Variants in PPFIA2 observed in about 807,000 individuals in gnomAD.
The protein encoded by PPFIA2 is PPFI scaffold protein A2.
In PPFIA2, 46 loss-of-function variants were observed where a neutral mutation model predicts 175.5. The ratio of observed to expected loss-of-function variants is 0.26; its 90% CI spans 0.21 to 0.34. PPFIA2 has a LOEUF of 0.34. Ranked by LOEUF, PPFIA2 falls within the 10% of genes least tolerant of loss-of-function variation. The pLI is 1.00. For missense variants in PPFIA2, 1,179 were observed against 1,506.1 expected (o/e 0.78, Z 3.60); for synonymous variants, 568 against 511.4 (o/e 1.11, Z -1.49).
intron 4 of PPFIA2, among the ~76,000 whole-genome samples, chr12:81,546,796 G>A (rs139063629): frequency 6.6e-6 from 1 of 151,678 alleles, no homozygotes. Flanking sequence ...GATAGATCAT[G>A]TTTTTTATGT....
intron 4 of PPFIA2, among the ~76,000 whole-genome samples, chr12:81,464,686 C>T (rs2055263832): frequency 6.6e-6 from 1 of 152,098 alleles, no homozygotes; most frequent in Non-Finnish European, 1.5e-5. Flanking sequence ...TATTTACATT[C>T]CTAGACAGGA....
chr12:81,741,999 T>C (rs928482310), intron 3 of PPFIA2, among the ~76,000 whole-genome samples: 2 of 152,156 alleles, frequency 1.3e-5, no homozygotes, highest in African/African-American at 4.8e-5. Flanking sequence ...TATGGTTATT[T>C]AGGGGACAAC....
At chr12:81,415,211 ATATATATATATATATATATATATATAT>A (rs1478145331) in intron 7 of PPFIA2, among the ~76,000 whole-genome samples, 1 of 8,844 alleles carries the variant, frequency 1.1e-4, no homozygotes, top group East Asian at 6.1e-3. Flanking sequence ...AAAAAAAAAA[ATATATATATATATATATATATATATAT>A]ATATATATAT....
intron 4 of PPFIA2, among the ~76,000 whole-genome samples, chr12:81,508,351 G>A (rs1318583517): frequency 6.6e-5 from 10 of 151,442 alleles, no homozygotes; most frequent in Non-Finnish European, 1.3e-4. Flanking sequence ...GAGAAACCCC[G>A]TTTCTACCAA....
At position 81,618,466 on chromosome 12, in the gene PPFIA2, A is replaced by C. The variant is rs1039474576; in HGVS notation, c.303+58325T>G. 2.0e-5 allele frequency among the ~76,000 whole-genome samples: 3 copies of C among 150,682 alleles called. No individual in the cohort carries two copies. The East Asian group carries it at 5.8e-4, about 29-fold the overall frequency. The stretch of plus-strand genomic sequence containing the variant: ...AAAACTGAAATTTACTCATTAATGT[A>C]TTATTTCTGAATAATTAAAAGAACT... On this transcript the variant is annotated intron_variant, in intron 4 of 32. Coordinates refer to ENST00000549396, the MANE Select transcript of PPFIA2 (RefSeq NM_003625.5).
chr12:81,420,878 A>C (rs1196190285), intron 7 of PPFIA2, among the ~76,000 whole-genome samples: 1 of 152,096 alleles, frequency 6.6e-6, no homozygotes, highest in Non-Finnish European at 1.5e-5. Flanking sequence ...TTATAATCAA[A>C]TTATCAAAAG....
chr12:81,610,609 T>A (rs2060798358), intron 4 of PPFIA2, among the ~76,000 whole-genome samples: 1 of 152,196 alleles, frequency 6.6e-6, no homozygotes, highest in African/African-American at 2.4e-5. Context: ...AATGGCTATT[T>A]CATATTTCAA....
chr12:81,680,276 A>G (rs894897485), intron 3 of PPFIA2, among the ~76,000 whole-genome samples: 4 of 151,994 alleles, frequency 2.6e-5, no homozygotes, highest in Non-Finnish European at 5.9e-5. Context: ...AACAGTTGCT[A>G]TGTGCCAGGT....
chr12:81,274,289 T>C (rs2039945045), intron 28 of PPFIA2, among the ~76,000 whole-genome samples: 1 of 152,186 alleles, frequency 6.6e-6, no homozygotes, highest in Non-Finnish European at 1.5e-5. Context: ...TTGCACTAGT[T>C]GGATTTGTAA....
intron 4 of PPFIA2, among the ~76,000 whole-genome samples, chr12:81,633,011 AC>A (rs2063572210): frequency 6.6e-6 from 1 of 151,894 alleles, no homozygotes; most frequent in African/African-American, 2.4e-5. Context: ...TCGTTGAATC[AC>A]TCTGCGTTAT....
chr12:81,681,557 G>A (rs995344399), intron 3 of PPFIA2, among the ~76,000 whole-genome samples: 4 of 151,990 alleles, frequency 2.6e-5, no homozygotes, highest in East Asian at 2.0e-4. Context: ...GTGGTTGTTC[G>A]CCTGCACCTT....
At chr12:81,640,870 T>C (rs1238008960) in intron 4 of PPFIA2, among the ~76,000 whole-genome samples, 1 of 151,966 alleles carries the variant, frequency 6.6e-6, no homozygotes, top group South Asian at 2.1e-4. Context: ...CATTTACAGT[T>C]TTTTTTTGCA....
Position 81,382,948 on chromosome 12 carries a change from G to A in PPFIA2, c.984+1075C>T, listed in dbSNP as rs181274945. On this transcript the variant is annotated intron_variant, in intron 9 of 32. Transcript: ENST00000549396. ...GGGAGGAGAAATAGAAGCAGTAAAG[G>A]AGCCTTCGAAGAGGTAAGCAAGTAA... Among the ~76,000 whole-genome samples the A allele has an allele frequency of 2.8e-3, 431 of 152,186 alleles. 3 individuals are homozygous for A. The highest frequency in any genetic ancestry group is 4.7e-3 in the Non-Finnish European group (323 of 68,010).
intron 22 of PPFIA2, among the ~76,000 whole-genome samples, chr12:81,321,533 G>T (rs538946923): frequency 1.4e-4 from 21 of 151,974 alleles, no homozygotes; most frequent in Non-Finnish European, 2.8e-4. Flanking sequence ...ATTATGGGGG[G>T]CTTATACCTG....
At chr12:81,696,701 T>C (rs1014768337) in intron 3 of PPFIA2, among the ~76,000 whole-genome samples, 1 of 152,124 alleles carries the variant, frequency 6.6e-6, no homozygotes, top group Admixed American at 6.6e-5. Flanking sequence ...CAGTTGTTCA[T>C]ACTTTGCTTT....
chr12:81,548,783 A>T (rs1289346603), intron 4 of PPFIA2, among the ~76,000 whole-genome samples: 1 of 152,138 alleles, frequency 6.6e-6, no homozygotes, highest in Non-Finnish European at 1.5e-5. Flanking sequence ...CCAGATGATA[A>T]AAAAATCCAA....
intron 4 of PPFIA2, among the ~76,000 whole-genome samples, chr12:81,552,774 A>G (rs1416455212): frequency 6.6e-6 from 1 of 152,070 alleles, no homozygotes; most frequent in Admixed American, 6.6e-5. Flanking sequence ...TATTTAGAAG[A>G]TATGATCCCA....
At chr12:81,752,693 G>T (rs1044312760) in intron 3 of PPFIA2, among the ~76,000 whole-genome samples, 1 of 152,122 alleles carries the variant, frequency 6.6e-6, no homozygotes, top group Non-Finnish European at 1.5e-5. Context: ...TAATAGTACA[G>T]ATAGCTTTAG....
intron 7 of PPFIA2, among the ~76,000 whole-genome samples, chr12:81,439,413 T>C (rs2049736376): frequency 6.6e-6 from 1 of 151,930 alleles, no homozygotes; most frequent in African/African-American, 2.4e-5. Context: ...AGATAATTTG[T>C]GCGTTAAAAC....
Sources: gnomAD v4.1 joint callset for allele counts (sites outside exome capture counted in the v4.1 genomes callset) on GRCh38, gnomAD v4.1.1 for gene constraint, MANE v1.5 for transcripts, NCBI Gene and HGNC (gene_info 2026-07-23, HGNC 2026-07-21) for gene names.